Variants in SLC1A1 observed in about 807,000 individuals in gnomAD.
SLC1A1 encodes the protein excitatory amino acid transporter 3.
A neutral mutation model predicts 53.3 loss-of-function variants in SLC1A1; 43 were observed. The observed-to-expected ratio is 0.81, with a 90% CI of 0.63 to 1.04. SLC1A1 has a LOEUF of 1.04. Among genes scored for constraint, SLC1A1 ranks in the 50% least tolerant of loss-of-function variants. SLC1A1 has a pLI of 0.00. For missense variants in SLC1A1, 748 were observed against 664.9 expected, an observed-to-expected ratio of 1.12 and a Z score of -1.37; for synonymous variants, 307 against 243.2, an observed-to-expected ratio of 1.26 and a Z score of -2.44.
chr9:4,564,543 T>C (rs750153764), intron 4 of SLC1A1, 85 bp downstream of exon 4: 12 of 822,890 alleles, frequency 1.5e-5, no homozygotes, highest in South Asian at 8.6e-5. Context: ...CTGCTGTTAC[T>C]GTATTGAAAT....
Position 4,490,615 on chromosome 9 carries a change from C to A in SLC1A1, c.-65C>A. Reference sequence around the variant, plus strand: ...TCTCGCCGCGCCGCCGAGCAGCCAGCAGTCCCCGGGTCGCCCAGCCCACGC... The same window carrying A: ...TCTCGCCGCGCCGCCGAGCAGCCAGAAGTCCCCGGGTCGCCCAGCCCACGC... On this transcript the variant is annotated 5_prime_UTR_variant, in exon 1 of 12. Transcript: ENST00000262352. 1.5e-6 allele frequency: 2 copies of A among 1,325,080 alleles called. No homozygotes were observed. The highest frequency in any genetic ancestry group is 2.1e-6 in the Non-Finnish European group (2 of 930,486). The allele number at this position is 1,325,080 out of a possible 1,614,324, so 82.1% of individuals were successfully genotyped here.
rs115985341 is a variant in SLC1A1, at chr9:4,563,864, C to T, written c.326-480C>T. Reference sequence around the variant, plus strand: ...TGCTTTCTAGATACTTGAAGACCTACGGTATGGAAGGAAGGCAAGGCTTGT... The same window carrying T: ...TGCTTTCTAGATACTTGAAGACCTATGGTATGGAAGGAAGGCAAGGCTTGT... On this transcript the variant is annotated intron_variant, in intron 3 of 11. Transcript: ENST00000262352. Among the ~76,000 whole-genome samples, 1,183 of 152,192 alleles carry T rather than the reference C, an allele frequency of 7.8e-3. 14 individuals carry two copies. The highest frequency in any genetic ancestry group is 0.027 in the African/African-American group (1,112 of 41,500).
Position 4,556,960 on chromosome 9 carries a change from T to C in SLC1A1, c.233-4489T>C, listed in dbSNP as rs367641386. Among the ~76,000 whole-genome samples, 10 of 152,258 alleles carry C rather than the reference T, an allele frequency of 6.6e-5. No homozygotes were observed. The highest frequency in any genetic ancestry group is 6.8e-3 in the Middle Eastern group (2 of 294). ...AAAACAAGGTTGAAAAAGACTGAGATGTTACATGTGTTCCCCTGTGGAGTC... is the reference window on the plus strand; with the variant it reads ...AAAACAAGGTTGAAAAAGACTGAGACGTTACATGTGTTCCCCTGTGGAGTC... On this transcript the variant is annotated intron_variant, in intron 2 of 11. Transcript: ENST00000262352. The surrounding 1 kb of genome is among the most constrained non-coding windows in gnomAD (Gnocchi z 4.1).
intron 8 of SLC1A1, among the ~76,000 whole-genome samples, chr9:4,574,774 G>C (rs998255046): frequency 6.6e-6 from 1 of 152,164 alleles, no homozygotes; most frequent in African/African-American, 2.4e-5. Context: ...ACTCTCACAA[G>C]TCAATACCTA....
intron 1 of SLC1A1, among the ~76,000 whole-genome samples, chr9:4,502,909 A>G (rs1036003348): frequency 2.0e-5 from 3 of 151,580 alleles, no homozygotes; most frequent in East Asian, 1.9e-4. Flanking sequence ...CTTCTCCTAC[A>G]TAAACCTTCT....
chr9:4,571,663 C>A (rs145358959), intron 6 of SLC1A1, among the ~76,000 whole-genome samples: 1 of 149,090 alleles, frequency 6.7e-6, no homozygotes, highest in Non-Finnish European at 1.5e-5. Context: ...GGTAACAGAG[C>A]GAGACTCCAT....
At chr9:4,516,836 T>C (rs1821176816) in intron 1 of SLC1A1, among the ~76,000 whole-genome samples, 2 of 152,152 alleles carry the variant, frequency 1.3e-5, no homozygotes. Context: ...GAAGTATAAA[T>C]TCTCCTCCCT....
intron 6 of SLC1A1, among the ~76,000 whole-genome samples, chr9:4,568,731 T>C (rs1163850358): frequency 1.3e-5 from 2 of 150,842 alleles, no homozygotes; most frequent in Non-Finnish European, 3.0e-5. Flanking sequence ...CAAAAAAGCA[T>C]CATATTGAAG....
intron 2 of SLC1A1, among the ~76,000 whole-genome samples, chr9:4,547,993 A>G (rs142751815): frequency 6.6e-6 from 1 of 152,308 alleles, no homozygotes; most frequent in East Asian, 1.9e-4. Flanking sequence ...AAAAGTTGTG[A>G]TCAAAACCAA....
At chr9:4,529,512 G>A (rs76079791) in intron 1 of SLC1A1, among the ~76,000 whole-genome samples, 3,707 of 152,244 alleles carry the variant, frequency 0.024, 155 homozygotes, top group African/African-American at 0.086. Context: ...TAGTCACACA[G>A]TGTGCCATGA....
chr9:4,504,779 C>A (rs957418910), intron 1 of SLC1A1, among the ~76,000 whole-genome samples: 2 of 152,142 alleles, frequency 1.3e-5, no homozygotes, highest in Non-Finnish European at 2.9e-5. Flanking sequence ...TAAATAATTT[C>A]TTTAAAGGCA....
At chr9:4,503,311 G>A (rs757257432) in intron 1 of SLC1A1, among the ~76,000 whole-genome samples, 20 of 151,938 alleles carry the variant, frequency 1.3e-4, no homozygotes, top group Middle Eastern at 6.8e-3. Context: ...GTTTGTTGCT[G>A]GGAAAAGTTT....
intron 1 of SLC1A1, among the ~76,000 whole-genome samples, chr9:4,528,955 G>A (rs545840199): frequency 8.5e-4 from 130 of 152,160 alleles, no homozygotes; most frequent in African/African-American, 3.0e-3. Context: ...CACTTTGGTA[G>A]GTATCACCAT....
intron 1 of SLC1A1, among the ~76,000 whole-genome samples, chr9:4,539,863 C>T (rs1816854085): frequency 6.6e-6 from 1 of 152,170 alleles, no homozygotes; most frequent in Admixed American, 6.6e-5. Context: ...AGCCACTGTA[C>T]CCGACCTTAC....
In SLC1A1 at chr9:4,541,163, G is replaced by A. The variant is rs536939263; in HGVS notation, c.92-3404G>A. Among the ~76,000 whole-genome samples the A allele has an allele frequency of 2.0e-4, 30 of 152,258 alleles. 1 individual carries two copies. The highest frequency in any genetic ancestry group is 7.0e-4 in the African/African-American group (29 of 41,548). On this transcript the variant is annotated intron_variant, in intron 1 of 11. Coordinates refer to ENST00000262352, the MANE Select transcript of SLC1A1 (RefSeq NM_004170.6). ...CTGCTGAAGTCCTTCCTGCTACACCGTTCAGGGAAATTGTTGATCTTGTCA... is the reference window on the plus strand; with the variant it reads ...CTGCTGAAGTCCTTCCTGCTACACCATTCAGGGAAATTGTTGATCTTGTCA...
chr9:4,526,373 A>C (rs916627739), intron 1 of SLC1A1, among the ~76,000 whole-genome samples: 1 of 152,234 alleles, frequency 6.6e-6, no homozygotes, highest in Admixed American at 6.5e-5. Context: ...AAAGAATTTC[A>C]AAAACACAAG....
intron 1 of SLC1A1, among the ~76,000 whole-genome samples, chr9:4,528,484 G>T (rs1426625532): frequency 6.6e-6 from 1 of 152,166 alleles, no homozygotes; most frequent in Non-Finnish European, 1.5e-5. Context: ...ACTGAGGCAG[G>T]AGAATGGCGT....
chr9:4,576,646 T>C lies in SLC1A1; in HGVS notation c.1076T>C (p.Leu359Ser). The change falls in exon 10 of 12, where the codon TTA (leucine) becomes TCA (serine). Residue 359 changes from leucine to serine, a missense_variant. Transcript: ENST00000262352. ...QVDKRITRFV[L>S]PVGATINMDG... Reference sequence around the variant, plus strand: ...GACAAGAGGATCACTCGATTCGTGTTACCCGTTGGTGCAACAATCAACATG... The same window carrying C: ...GACAAGAGGATCACTCGATTCGTGTCACCCGTTGGTGCAACAATCAACATG... 1 of 1,614,206 alleles carries C rather than the reference T, an allele frequency of 6.2e-7. No individual in the cohort carries two copies. The highest frequency in any genetic ancestry group is 8.5e-7 in the Non-Finnish European group (1 of 1,180,006).
chr9:4,578,090 C>T (rs1339752775), intron 10 of SLC1A1, among the ~76,000 whole-genome samples: 1 of 152,192 alleles, frequency 6.6e-6, no homozygotes, highest in African/African-American at 2.4e-5. Context: ...TACTTTTTGA[C>T]AGATTGAATT....
Sources: gnomAD v4.1 joint callset for allele counts (sites outside exome capture counted in the v4.1 genomes callset) on GRCh38, gnomAD v4.1.1 for gene constraint, Gnocchi (gnomAD v3.1) non-coding constraint, MANE v1.5 for transcripts, NCBI Gene and HGNC (gene_info 2026-07-23, HGNC 2026-07-21) for gene names.